Variants in TOP3A observed in about 807,000 individuals in gnomAD.
TOP3A encodes DNA topoisomerase III alpha.
Under a neutral mutation model 111.3 loss-of-function variants are expected in TOP3A, and 64 were observed. The observed-to-expected ratio is 0.57, with a 90% confidence interval of 0.47 to 0.71. The LOEUF (loss-of-function observed/expected upper bound fraction) is 0.71. Among genes scored for constraint, TOP3A ranks in the 30% least tolerant of loss-of-function variants. TOP3A has a pLI of 0.00. For missense variants in TOP3A, 1,104 were observed against 1,285.0 expected (o/e 0.86, Z 2.15); for synonymous variants, 484 against 485.1 (o/e 1.00, Z 0.03).
At chr17:18,284,807 G>A (rs1198516633) in intron 15 of TOP3A, among the ~76,000 whole-genome samples, 3 of 152,100 alleles carry the variant, frequency 2.0e-5, no homozygotes, top group Admixed American at 2.0e-4. Flanking sequence ...TTAAAATCAA[G>A]AGAATGGTAT....
chr17:18,286,576 C>A (rs1204708206), intron 13 of TOP3A, among the ~76,000 whole-genome samples: 1 of 151,954 alleles, frequency 6.6e-6, no homozygotes, highest in Non-Finnish European at 1.5e-5. Flanking sequence ...GACCTACTGG[C>A]AAAATCAAAA....
In TOP3A at chr17:18,302,392, A is replaced by G. The variant is rs747580477; in HGVS notation, c.686T>C (p.Ile229Thr). ...TRFQTLRLQR[I>T]FPEVLAEQLI... is the part of the protein sequence containing the mutation. The stretch of plus-strand genomic sequence containing the variant: ...CTGCTCTGCCAGCACCTCAGGAAAA[A>G]TCCTCTGAAGCCGCAGGGTCTGGAA... The change falls in exon 7 of 19, where the codon ATT (isoleucine) becomes ACT (threonine). Residue 229 changes from isoleucine to threonine, a missense_variant. By Grantham distance (89) the Ile-to-Thr change is moderately conservative. Coordinates refer to ENST00000321105, the MANE Select transcript of TOP3A (RefSeq NM_004618.5). 6.2e-7 allele frequency: 1 copy of G among 1,613,318 alleles called. No homozygotes were observed. The highest frequency in any genetic ancestry group is 1.1e-5 in the South Asian group (1 of 91,030).
chr17:18,291,254 C>T lies in TOP3A; in HGVS notation c.1282-227G>A, dbSNP rs574234228. ...CAAAGATAAGCAAAGGAGTCATCTTCCCTTCCAGACTGGGAAGTGGTTCTT... is the reference window on the plus strand; with the variant it reads ...CAAAGATAAGCAAAGGAGTCATCTTTCCTTCCAGACTGGGAAGTGGTTCTT... On this transcript the variant is annotated intron_variant, in intron 11 of 18. Coordinates refer to ENST00000321105, the MANE Select transcript of TOP3A (RefSeq NM_004618.5). Among the ~76,000 whole-genome samples, 99 of 152,360 alleles carry T rather than the reference C, an allele frequency of 6.5e-4. 1 individual carries two copies. Among genetic ancestry groups the T allele is most frequent in the African/African-American group, 2.3e-3 (96 of 41,586 alleles).
At chr17:18,282,641 C>T (rs768029367) in intron 16 of TOP3A, 57 bp downstream of exon 16, 9 of 1,605,554 alleles carry the variant, frequency 5.6e-6, no homozygotes, top group Admixed American at 3.4e-5. Context: ...TTTCGAGCTA[C>T]GGCTGACACC....
Position 18,278,068 on chromosome 17 carries a change from T to C in TOP3A, c.2434A>G (p.Thr812Ala), listed in dbSNP as rs200544757. 9 of 1,614,086 alleles carry C rather than the reference T, an allele frequency of 5.6e-6. No homozygotes were observed. The highest frequency in any genetic ancestry group is 7.6e-6 in the Non-Finnish European group (9 of 1,180,056). Residue 812 changes from threonine to alanine, a missense_variant, in exon 18 of 19, where the codon ACC (threonine) becomes GCC (alanine). By Grantham distance (58) the Thr-to-Ala change is moderately conservative (BLOSUM62 0). Transcript: ENST00000321105. Reference sequence around the variant, plus strand: ...ACAGCCTCCTGGCCACAGTTGCAGGTCACAGAATTGCTTTCACCAGCAGCC... The same window carrying C: ...ACAGCCTCCTGGCCACAGTTGCAGGCCACAGAATTGCTTTCACCAGCAGCC... ...PTAAGESNSVTCNCGQEAVLL... is the reference protein window; with the variant it reads ...PTAAGESNSVACNCGQEAVLL...
intron 1 of TOP3A, among the ~76,000 whole-genome samples, 160 bp downstream of exon 1, chr17:18,314,439 G>A (rs559364559): frequency 6.6e-6 from 1 of 152,362 alleles, no homozygotes; most frequent in South Asian, 2.1e-4. Context: ...ACTCCAGTCC[G>A]AGAGCAGACA....
chr17:18,277,898 G>T lies in TOP3A; in HGVS notation c.2604C>A (p.Gly868=). The T allele has an allele frequency of 6.2e-7, 1 of 1,613,982 alleles. No homozygotes were observed. Among genetic ancestry groups the T allele is most frequent in the Non-Finnish European group, 8.5e-7 (1 of 1,180,018 alleles). The change falls in exon 18 of 19, where the codon GGC becomes GGA. Residue 868 remains glycine (G), a synonymous_variant. Transcript: ENST00000321105. The stretch of plus-strand genomic sequence containing the variant: ...GGCCTGGTGGGCATCCCAGGGAGGC[G>T]CCCAGGGGTCTATATGCCAAGGCAG... ...GPPALAYRPL[G]ASLGCPPGPG...
chr17:18,302,502 A>G (rs1226394482), intron 6 of TOP3A, 68 bp from the exon 7 acceptor site: 18 of 1,595,510 alleles, frequency 1.1e-5, no homozygotes, highest in Admixed American at 6.8e-5. Flanking sequence ...CTGGCTGCAC[A>G]TATCGACACA....
rs1469027430 is a variant in TOP3A, at chr17:18,292,864, GCAAA to G, written c.1074-16_1074-13del. ...GATAGCTGATGTACCTAAAACCAAG[GCAAA>G]CAAACAGAAAAAGAAATTGCTAGGC... On this transcript the variant is annotated splice_polypyrimidine_tract_variant and intron_variant, in intron 10 of 18. Transcript: ENST00000321105. 3 of 1,597,470 alleles carry G rather than the reference GCAAA, an allele frequency of 1.9e-6. No homozygotes were observed. Among genetic ancestry groups the G allele is most frequent in the South Asian group, 2.2e-5 (2 of 89,444 alleles).
intron 18 of TOP3A, among the ~76,000 whole-genome samples, chr17:18,276,351 C>T (rs184448259): frequency 6.6e-6 from 1 of 152,314 alleles, no homozygotes; most frequent in African/African-American, 2.4e-5. Context: ...GATACCATGT[C>T]CTTCCAAGTG....
intron 17 of TOP3A, among the ~76,000 whole-genome samples, chr17:18,279,805 G>A (rs1457505024): frequency 2.0e-5 from 3 of 152,150 alleles, no homozygotes; most frequent in Non-Finnish European, 4.4e-5. Flanking sequence ...TCCTGCCTCA[G>A]CCTCCTGACC....
At chr17:18,302,224 C>A in intron 7 of TOP3A, 40 bp downstream of exon 7, 1 of 1,564,992 alleles carries the variant, frequency 6.4e-7, no homozygotes, top group Non-Finnish European at 8.6e-7. Context: ...TAACCTTGAG[C>A]CCATAGGTCC....
At chr17:18,281,463 G>A (rs1428799249) in intron 16 of TOP3A, among the ~76,000 whole-genome samples, 1 of 151,974 alleles carries the variant, frequency 6.6e-6, no homozygotes, top group Non-Finnish European at 1.5e-5. Flanking sequence ...CTCCAATTCA[G>A]AGAATTGGAG....
Position 18,306,576 on chromosome 17 carries a change from C to T in TOP3A, c.390+315G>A, listed in dbSNP as rs943714821. On this transcript the variant is annotated intron_variant, in intron 4 of 18. Coordinates refer to ENST00000321105, the MANE Select transcript of TOP3A (RefSeq NM_004618.5). ...AGAGATAGGGTCTCACTATGTTGCC[C>T]AGGCTGGTCTCAAATTCCTGGAGTT... 2.5e-5 allele frequency: 6 copies of T among 238,030 alleles called. No homozygotes were observed. In the Admixed American group the frequency reaches 2.6e-4, roughly 10 times the overall value. The allele number at this position is 238,030 out of a possible 1,614,324, so 14.7% of individuals were successfully genotyped here.
At chr17:18,298,418 CGGGA>C (rs1980998238) in intron 9 of TOP3A, among the ~76,000 whole-genome samples, 1 of 147,698 alleles carries the variant, frequency 6.8e-6, no homozygotes, top group South Asian at 2.1e-4. Context: ...CCTCCCCGTC[CGGGA>C]GGGAGGTGGG....
chr17:18,291,997 C>G (rs1980505926), intron 11 of TOP3A, among the ~76,000 whole-genome samples: 1 of 152,164 alleles, frequency 6.6e-6, no homozygotes. Context: ...CAAGCATAAG[C>G]CACCGCGTCC....
At chr17:18,298,034 C>G (rs916737424) in intron 9 of TOP3A, among the ~76,000 whole-genome samples, 1 of 151,830 alleles carries the variant, frequency 6.6e-6, no homozygotes, top group African/African-American at 2.4e-5. Context: ...CTCTGCCCGG[C>G]CGCCCATCGT....
chr17:18,303,460 C>T (rs754667786), intron 5 of TOP3A, among the ~76,000 whole-genome samples: 6 of 152,076 alleles, frequency 3.9e-5, no homozygotes, highest in African/African-American at 9.7e-5. Flanking sequence ...GTCTCCTGCA[C>T]GTCTCTGGGA....
At position 18,314,768 on chromosome 17, in the gene TOP3A, G is replaced by T; in HGVS notation, c.11C>A (p.Pro4His). The T allele has an allele frequency of 6.4e-7, 1 of 1,550,788 alleles. No individual in the cohort carries two copies. Among genetic ancestry groups the T allele is most frequent in the Non-Finnish European group, 8.7e-7 (1 of 1,147,360 alleles). Residue 4 changes from proline (P) to histidine (H), a missense_variant, in exon 1 of 19, where the codon CCT (proline) becomes CAT (histidine). Coordinates refer to ENST00000321105, the MANE Select transcript of TOP3A (RefSeq NM_004618.5). ...CCACCGGAGCGCGTAGCGGGCGACA[G>T]GAAAGATCATCCTCAGACCTCGCGC... Reference protein sequence around the residue: MIFPVARYALRWLR... With the variant: MIFHVARYALRWLR...
Sources: gnomAD v4.1 joint callset for allele counts (sites outside exome capture counted in the v4.1 genomes callset) on GRCh38, gnomAD v4.1.1 for gene constraint, MANE v1.5 for transcripts, NCBI Gene and HGNC (gene_info 2026-07-23, HGNC 2026-07-21) for gene names.